AMACR: variants seen among roughly 807,000 people sequenced by gnomAD.
AMACR encodes 2-methylacyl-CoA racemase.
AMACR carries 18 observed loss-of-function variants against 22.2 expected under a neutral mutation model. The ratio of observed to expected loss-of-function variants is 0.81; its 90% CI spans 0.56 to 1.20. AMACR has a LOEUF of 1.20. Among genes scored for constraint, AMACR ranks in the 50% most tolerant of loss-of-function variants. The pLI, the probability that AMACR is intolerant of heterozygous loss-of-function variation, is 0.00. For synonymous variants in AMACR, 213 were observed against 191.3 expected (o/e 1.11, Z -0.94); for missense variants, 499 against 490.6 (o/e 1.02, Z -0.16).
Position 34,007,817 on chromosome 5 carries a change from C to T in AMACR, c.203G>A (p.Arg68His). 1 of 1,576,248 alleles carries T rather than the reference C, an allele frequency of 6.3e-7. No homozygotes were observed. The highest frequency in any genetic ancestry group is 8.6e-7 in the Non-Finnish European group (1 of 1,165,234). Residue 68 changes from arginine to histidine, a missense_variant, in exon 1 of 5, where the codon CGT (arginine) becomes CAT (histidine). Coordinates refer to ENST00000335606, the MANE Select transcript of AMACR (RefSeq NM_014324.6). ...KQPRGAAVLR[R>H]LCKRSDVLLE... is the part of the protein sequence containing the mutation. ...CAGCACATCCGACCGCTTGCACAGA[C>T]GCCGCAGCACGGCGGCTCCCCGCGG...
intron 2 of AMACR, 71 bp from the exon 3 acceptor site, chr5:34,004,805 C>A (rs1332812618): frequency 3.3e-6 from 5 of 1,512,714 alleles, no homozygotes; most frequent in Admixed American, 3.6e-5. Flanking sequence ...ATGTGAGCAT[C>A]TTAGAGGAAT....
intron 1 of AMACR, among the ~76,000 whole-genome samples, chr5:34,006,291 C>A (rs1291766358): frequency 6.6e-6 from 1 of 152,184 alleles, no homozygotes; most frequent in African/African-American, 2.4e-5. Flanking sequence ...AGCTCATGAG[C>A]TCCTCCTGCA....
At chr5:33,995,057 A>T (rs1753596430) in intron 4 of AMACR, among the ~76,000 whole-genome samples, 1 of 152,212 alleles carries the variant, frequency 6.6e-6, no homozygotes, top group African/African-American at 2.4e-5. Flanking sequence ...ACAATTCATA[A>T]ATTTAAATTG....
In AMACR at chr5:33,988,039, T is replaced by C. The variant is rs192836342; in HGVS notation, c.*1054A>G. On this transcript the variant is annotated 3_prime_UTR_variant, in exon 5 of 5. Transcript: ENST00000335606. Reference sequence around the variant, plus strand: ...TCCTCTTGCGATTGTTGAACGGCAGTTGAGATACTGCGCAGAATGGACCTT... The same window carrying C: ...TCCTCTTGCGATTGTTGAACGGCAGCTGAGATACTGCGCAGAATGGACCTT... The C allele has an allele frequency of 2.5e-3, 709 of 280,994 alleles. 4 individuals carry two copies. The highest frequency in any genetic ancestry group is 0.015 in the African/African-American group (669 of 46,124). The allele number at this position is 280,994 out of a possible 1,614,324, so 17.4% of individuals were successfully genotyped here. A position where few individuals can be genotyped will look rare whatever the true frequency, so the allele number is the denominator to read the frequency against.
intron 1 of AMACR, 53 bp from the exon 2 acceptor site, chr5:34,005,952 T>G: frequency 6.3e-7 from 1 of 1,597,058 alleles, no homozygotes; most frequent in Non-Finnish European, 8.6e-7. Flanking sequence ...AGGATGGAGA[T>G]AATCCCTTCT....
At chr5:33,992,363 G>A (rs1753507022) in intron 4 of AMACR, among the ~76,000 whole-genome samples, 1 of 150,194 alleles carries the variant, frequency 6.7e-6, no homozygotes, top group Non-Finnish European at 1.5e-5. Context: ...TGTATAAAAA[G>A]CTATAAATTA....
chr5:33,996,151 A>G (rs1753626413), intron 4 of AMACR, among the ~76,000 whole-genome samples: 1 of 151,364 alleles, frequency 6.6e-6, no homozygotes, highest in South Asian at 2.1e-4. Context: ...CTCTAGCCCT[A>G]AATTGTTGAT....
Position 33,998,687 on chromosome 5 carries a change from C to T in AMACR, c.693G>A (p.Met231Ile). The change falls in exon 4 of 5, where the codon ATG becomes ATA. Residue 231 changes from methionine to isoleucine, a missense_variant. Met to Ile is a conservative substitution (Grantham distance 10, BLOSUM62 1). Transcript: ENST00000335606. ...ACTGGGGTTCTATTGCTCCAACAGCCATGAATTCCCCATCTGCTGTCCTGT... is the reference window on the plus strand; with the variant it reads ...ACTGGGGTTCTATTGCTCCAACAGCTATGAATTCCCCATCTGCTGTCCTGT... Reference protein sequence around the residue: ...TTYRTADGEFMAVGAIEPQFY... With the variant: ...TTYRTADGEFIAVGAIEPQFY... The T allele has an allele frequency of 1.2e-6, 2 of 1,613,748 alleles. No individual in the cohort carries two copies. Among genetic ancestry groups the T allele is most frequent in the Non-Finnish European group, 1.7e-6 (2 of 1,179,812 alleles).
In AMACR at chr5:34,004,738, C is replaced by T; in HGVS notation, c.392-4G>A. 6.2e-7 allele frequency: 1 copy of T among 1,614,144 alleles called. No homozygotes were observed. Among genetic ancestry groups the T allele is most frequent in the South Asian group, 1.1e-5 (1 of 91,076 alleles). On this transcript the variant is annotated splice_region_variant and splice_polypyrimidine_tract_variant and intron_variant, in intron 2 of 4. Transcript: ENST00000335606. ...CTGCCAATTTTTGAGAGAACACCTACATCATTAAAAACAAATTTAATGTCT... is the reference window on the plus strand; with the variant it reads ...CTGCCAATTTTTGAGAGAACACCTATATCATTAAAAACAAATTTAATGTCT...
chr5:34,000,611 C>T (rs1236902535), intron 3 of AMACR, among the ~76,000 whole-genome samples: 1 of 152,032 alleles, frequency 6.6e-6, no homozygotes, highest in African/African-American at 2.4e-5. Context: ...GATTCTCCTG[C>T]CTCAGATTCC....
rs1159359534 is a variant in AMACR at position 33,987,297 on chromosome 5, GA to G, written c.*1795del. The G allele has an allele frequency of 6.6e-6, 1 of 152,318 alleles. No homozygotes were observed. Among genetic ancestry groups the G allele is most frequent in the Non-Finnish European group, 1.5e-5 (1 of 68,050 alleles). The allele number at this position is 152,318 out of a possible 1,614,324, so 9.4% of individuals were successfully genotyped here. A position where few individuals can be genotyped will look rare whatever the true frequency, so the allele number is the denominator to read the frequency against. ...TGGGCTGGAAAACATAACCTTATGG[GA>G]AAGTTCCTAAAAATGGTTGAAGAAC... On this transcript the variant is annotated 3_prime_UTR_variant, in exon 5 of 5. Coordinates refer to ENST00000335606, the MANE Select transcript of AMACR (RefSeq NM_014324.6).
intron 4 of AMACR, among the ~76,000 whole-genome samples, chr5:33,992,846 C>CT (rs371535758): frequency 9.7e-4 from 145 of 149,174 alleles, no homozygotes; most frequent in Middle Eastern, 3.5e-3. Flanking sequence ...ATCCGTATTG[C>CT]TTTTTTTTTT....
intron 1 of AMACR, among the ~76,000 whole-genome samples, chr5:34,006,367 T>C (rs1386148350): frequency 6.6e-6 from 1 of 152,222 alleles, no homozygotes; most frequent in African/African-American, 2.4e-5. Flanking sequence ...CGAAAAAGTT[T>C]AGCACCCATC....
At position 34,008,038 on chromosome 5, in the gene AMACR, G is replaced by T; in HGVS notation, c.-19C>A. The T allele has an allele frequency of 6.2e-7, 1 of 1,608,206 alleles. No individual in the cohort carries two copies. The highest frequency in any genetic ancestry group is 8.5e-7 in the Non-Finnish European group (1 of 1,179,622). On this transcript the variant is annotated 5_prime_UTR_variant, in exon 1 of 5. Coordinates refer to ENST00000335606, the MANE Select transcript of AMACR (RefSeq NM_014324.6). ...GTGCCATGGCGCTTCCCAGTGCCCC[G>T]CTGAAGGAAACTGAGCAGCCCTTAG...
At chr5:34,001,447 T>C (rs1043095049) in intron 3 of AMACR, among the ~76,000 whole-genome samples, 2 of 152,254 alleles carry the variant, frequency 1.3e-5, no homozygotes, top group African/African-American at 4.8e-5. Context: ...CTGTGATTAG[T>C]TGAAGTACGG....
rs768627644 is a variant in AMACR, at chr5:33,989,253, A to G, written c.989T>C (p.Leu330Pro). The G allele has an allele frequency of 1.9e-6, 3 of 1,614,168 alleles. No homozygotes were observed. Among genetic ancestry groups the G allele is most frequent in the Non-Finnish European group, 2.5e-6 (3 of 1,180,006 alleles). The change falls in exon 5 of 5, where the codon CTG becomes CCG. Residue 330 changes from leucine (L) to proline (P), a missense_variant. Leu to Pro is a moderately conservative substitution (Grantham distance 98, BLOSUM62 -3). Transcript: ENST00000335606. ...AGGGATGGCTGGGGTGTTTAACAGCAGAGGTGCAGGGCGGGGGCTCACGTC... is the reference window on the plus strand; with the variant it reads ...AGGGATGGCTGGGGTGTTTAACAGCGGAGGTGCAGGGCGGGGGCTCACGTC... ...EQDVSPRPAP[L>P]LLNTPAIPSF...
chr5:33,987,552 T>G lies in AMACR; in HGVS notation c.*1541A>C, dbSNP rs1259928866. 6.6e-6 allele frequency: 1 copy of G among 152,254 alleles called. No individual in the cohort carries two copies. The highest frequency in any genetic ancestry group is 1.5e-5 in the Non-Finnish European group (1 of 68,046). 9.4% of individuals were successfully genotyped at this position (152,254 alleles called of 1,614,324 possible). A position where few individuals can be genotyped will look rare whatever the true frequency, so the allele number is the denominator to read the frequency against. ...CGTGAACTACTAGTGAGGTAGTTCA[T>G]TCTTTCAACATAAGATTGCACTATA... On this transcript the variant is annotated 3_prime_UTR_variant, in exon 5 of 5. Coordinates refer to ENST00000335606, the MANE Select transcript of AMACR (RefSeq NM_014324.6).
At chr5:33,995,552 A>G (rs981314032) in intron 4 of AMACR, among the ~76,000 whole-genome samples, 18 of 152,250 alleles carry the variant, frequency 1.2e-4, no homozygotes, top group Non-Finnish European at 2.6e-4. Context: ...TGGAAAACGC[A>G]TTAACTTTGT....
At position 33,989,084 on chromosome 5, in the gene AMACR, G is replaced by A. The variant is rs1324710862; in HGVS notation, c.*9C>T. ...GTATTCAAATTCACTTGAGCCGTGG[G>A]CCTGGAAGTTAGAGACTAGCTTTTA... On this transcript the variant is annotated 3_prime_UTR_variant, in exon 5 of 5. Transcript: ENST00000335606. The A allele has an allele frequency of 3.1e-6, 5 of 1,613,938 alleles. No homozygotes were observed. The highest frequency in any genetic ancestry group is 3.3e-5 in the Admixed American group (2 of 60,004).
Sources: gnomAD v4.1 joint callset for allele counts (sites outside exome capture counted in the v4.1 genomes callset) on GRCh38, gnomAD v4.1.1 for gene constraint, MANE v1.5 for transcripts, NCBI Gene and HGNC (gene_info 2026-07-23, HGNC 2026-07-21) for gene names.